Variants in NR5A2 observed in about 807,000 individuals in gnomAD.
NR5A2 encodes CYP7A promoter-binding factor.
Under a neutral mutation model 62.7 loss-of-function variants are expected in NR5A2, and 26 were observed. That is an observed-to-expected ratio of 0.41 (90% CI 0.30 to 0.58). The LOEUF is 0.58. Ranked by LOEUF, NR5A2 falls within the 20% of genes least tolerant of loss-of-function variation. The pLI, the probability that NR5A2 is intolerant of heterozygous loss-of-function variation, is 0.22. For synonymous variants in NR5A2, 246 were observed against 241.7 expected, an observed-to-expected ratio of 1.02 and a Z score of -0.16; for missense variants, 541 against 669.1, an observed-to-expected ratio of 0.81 and a Z score of 2.11.
In NR5A2 at chr1:200,175,533, C is replaced by T. The variant is rs1172470215; in HGVS notation, c.*1323C>T. 2 of 152,570 alleles carry T rather than the reference C, an allele frequency of 1.3e-5. No homozygotes were observed. The highest frequency in any genetic ancestry group is 2.9e-5 in the Non-Finnish European group (2 of 68,032). The allele number at this position is 152,570 out of a possible 1,614,324, so 9.5% of individuals were successfully genotyped here. Reference sequence around the variant, plus strand: ...CGATGCCACAGGTATGAAAGTCTTGCCTTATTTCACAATTTTAAAAGGTAG... The same window carrying T: ...CGATGCCACAGGTATGAAAGTCTTGTCTTATTTCACAATTTTAAAAGGTAG... On this transcript the variant is annotated 3_prime_UTR_variant, in exon 8 of 8. Coordinates refer to ENST00000367362, the MANE Select transcript of NR5A2 (RefSeq NM_205860.3).
intron 3 of NR5A2, 200 bp downstream of exon 3, chr1:200,044,092 A>G (rs1662249570): frequency 2.3e-6 from 1 of 437,590 alleles, no homozygotes; most frequent in African/African-American, 2.0e-5. Flanking sequence ...TATGCTGTTT[A>G]GAAAACTTTG....
At chr1:200,167,185 G>A (rs1388574212) in intron 7 of NR5A2, among the ~76,000 whole-genome samples, 1 of 151,974 alleles carries the variant, frequency 6.6e-6, no homozygotes, top group Non-Finnish European at 1.5e-5. Flanking sequence ...TTTATGTCTG[G>A]CCATTTCCTG....
chr1:200,088,453 C>A (rs780061503), intron 5 of NR5A2, among the ~76,000 whole-genome samples: 14 of 151,822 alleles, frequency 9.2e-5, no homozygotes, highest in Non-Finnish European at 1.6e-4. Flanking sequence ...GACAGGGTTT[C>A]TCCATGTTGC....
intron 7 of NR5A2, among the ~76,000 whole-genome samples, chr1:200,154,302 T>C (rs12071085): frequency 0.38 from 58,031 of 152,036 alleles, 13,438 homozygotes; most frequent in African/African-American, 0.66. Context: ...ATTTCCTGTG[T>C]TAGACTTCCT....
intron 2 of NR5A2, among the ~76,000 whole-genome samples, chr1:200,040,612 G>A (rs915135973): frequency 5.3e-5 from 8 of 152,242 alleles, no homozygotes; most frequent in Non-Finnish European, 1.0e-4. Flanking sequence ...CTGGGCCAGG[G>A]AGGGAACAAT....
At chr1:200,163,879 G>A (rs965787584) in intron 7 of NR5A2, among the ~76,000 whole-genome samples, 11 of 152,114 alleles carry the variant, frequency 7.2e-5, no homozygotes, top group Admixed American at 1.3e-4. Context: ...GAAAACAGGT[G>A]ATATTGTTTG....
intron 6 of NR5A2, among the ~76,000 whole-genome samples, chr1:200,112,944 C>T (rs1226995353): frequency 1.3e-5 from 2 of 152,234 alleles, no homozygotes; most frequent in African/African-American, 4.8e-5. Context: ...CAAAGCACTT[C>T]CATTCCTGCT....
intron 5 of NR5A2, among the ~76,000 whole-genome samples, chr1:200,096,742 C>T (rs927446175): frequency 1.3e-5 from 2 of 152,136 alleles, no homozygotes; most frequent in African/African-American, 2.4e-5. Flanking sequence ...TGATGGTGGT[C>T]CCAACATATT....
intron 5 of NR5A2, among the ~76,000 whole-genome samples, chr1:200,072,076 A>G (rs3790834): frequency 0.47 from 71,453 of 151,860 alleles, 16,841 homozygotes; most frequent in Middle Eastern, 0.52. Flanking sequence ...GGAATTGCTT[A>G]TAAAGAGGTA....
intron 5 of NR5A2, among the ~76,000 whole-genome samples, chr1:200,084,594 G>A (rs1190807888): frequency 1.3e-5 from 2 of 152,100 alleles, no homozygotes; most frequent in Non-Finnish European, 2.9e-5. Flanking sequence ...ACAGCTAAAT[G>A]AGACCCATTA....
chr1:200,092,684 C>T (rs1664871286), intron 5 of NR5A2, among the ~76,000 whole-genome samples: 1 of 147,514 alleles, frequency 6.8e-6, no homozygotes, highest in Admixed American at 6.8e-5. Context: ...GGCTCTTGTG[C>T]TGGTATATCA....
chr1:200,122,242 G>C (rs2102312406), intron 7 of NR5A2, among the ~76,000 whole-genome samples: 2 of 152,244 alleles, frequency 1.3e-5, no homozygotes, highest in South Asian at 4.1e-4. Context: ...ACAGTGTTTA[G>C]AATGTTAAAA....
chr1:200,132,908 G>C (rs1667026980), intron 7 of NR5A2, among the ~76,000 whole-genome samples: 1 of 152,174 alleles, frequency 6.6e-6, no homozygotes, highest in Admixed American at 6.5e-5. Flanking sequence ...CTGAGTCCCA[G>C]AACATCAGCA....
intron 4 of NR5A2, among the ~76,000 whole-genome samples, chr1:200,047,817 A>T (rs1662438999): frequency 6.6e-6 from 1 of 152,118 alleles, no homozygotes; most frequent in African/African-American, 2.4e-5. Context: ...ACCTCAGGTG[A>T]TCCACCCGCC....
chr1:200,086,491 C>T (rs913116231), intron 5 of NR5A2, among the ~76,000 whole-genome samples: 56 of 152,128 alleles, frequency 3.7e-4, no homozygotes, highest in South Asian at 1.7e-3. Flanking sequence ...TTATTAGAGA[C>T]GGGGTTTCTC....
rs1665758499 is a variant in NR5A2, at chr1:200,107,782, G to A, written c.1111-3420G>A. Among the ~76,000 whole-genome samples, 3 of 151,690 alleles carry A rather than the reference G, an allele frequency of 2.0e-5. No homozygotes were observed. In the East Asian group the frequency reaches 5.8e-4, roughly 29 times the overall value. The stretch of plus-strand genomic sequence containing the variant: ...AGCCTCCCGAGTAGCTGGGATTACA[G>A]GCGCCTGCCACCAGACCTGGCTAGT... On this transcript the variant is annotated intron_variant, in intron 5 of 7. Coordinates refer to ENST00000367362, the MANE Select transcript of NR5A2 (RefSeq NM_205860.3).
chr1:200,054,755 T>C (rs1470260558), intron 5 of NR5A2, among the ~76,000 whole-genome samples: 2 of 152,200 alleles, frequency 1.3e-5, no homozygotes, highest in Non-Finnish European at 2.9e-5. Context: ...GGAAGCTATC[T>C]GAGCAGCATT....
rs1202556885 is a variant in NR5A2 at position 200,043,761 on chromosome 1, C to CTT, written c.203-9_203-8dup. ...TAATTGAATATGTGTATACATTTCT[C>CTT]TTTTTGTTTCAGTGTCTCAATTTAA... On this transcript the variant is annotated splice_polypyrimidine_tract_variant and intron_variant, in intron 2 of 7. Coordinates refer to ENST00000367362, the MANE Select transcript of NR5A2 (RefSeq NM_205860.3). The CTT allele has an allele frequency of 6.5e-7, 1 of 1,537,938 alleles. No homozygotes were observed. The highest frequency in any genetic ancestry group is 9.0e-7 in the Non-Finnish European group (1 of 1,112,902).
intron 5 of NR5A2, among the ~76,000 whole-genome samples, chr1:200,049,856 G>T (rs1458645279): frequency 6.6e-6 from 1 of 152,206 alleles, no homozygotes; most frequent in African/African-American, 2.4e-5. Flanking sequence ...AATCGTCTGT[G>T]TAAGTAGATG....
Sources: allele counts gnomAD v4.1 joint callset (sites outside exome capture counted in the v4.1 genomes callset), GRCh38; gene constraint gnomAD v4.1.1; transcripts MANE v1.5; gene names NCBI Gene and HGNC (gene_info 2026-07-23, HGNC 2026-07-21).